The following TMEM135 variants were observed in gnomAD, a reference collection of about 807,000 sequenced individuals.
TMEM135 encodes the protein peroxisomal membrane protein 52.
Under a neutral mutation model 60.3 loss-of-function variants are expected in TMEM135, and 30 were observed. The observed-to-expected ratio is 0.50, with a 90% confidence interval of 0.37 to 0.68. The LOEUF is 0.68. Ranked by LOEUF, TMEM135 falls within the 30% of genes least tolerant of loss-of-function variation. TMEM135 has a pLI of 0.00. For missense variants in TMEM135, 468 were observed against 548.8 expected (o/e 0.85, Z 1.47); for synonymous variants, 190 against 186.7 (o/e 1.02, Z -0.14).
At chr11:87,277,375 C>T (rs957265644) in intron 6 of TMEM135, 2 of 290,050 alleles carry the variant, frequency 6.9e-6, no homozygotes, top group Non-Finnish European at 1.4e-5. Flanking sequence ...AAGTGATCCA[C>T]CTGCCTTGGC....
chr11:87,326,101 T>A lies in TMEM135; in HGVS notation c.*4768T>A, dbSNP rs1301032233. The A allele has an allele frequency of 2.0e-5, 9 of 453,516 alleles. No individual in the cohort carries two copies. In the East Asian group the frequency reaches 2.1e-4, roughly 10 times the overall value. 28.1% of individuals were successfully genotyped at this position (453,516 alleles called of 1,614,324 possible). ...TTGCCTGTTCAGTTTTTTTTTTTTT[T>A]AATATTCAGTTTTGTGCCATACTCT... On this transcript the variant is annotated 3_prime_UTR_variant, in exon 15 of 15. Coordinates refer to ENST00000305494, the MANE Select transcript of TMEM135 (RefSeq NM_022918.4).
chr11:87,236,716 C>T (rs771598959), intron 6 of TMEM135, 32 bp downstream of exon 6: 10 of 1,578,940 alleles, frequency 6.3e-6, no homozygotes, highest in South Asian at 3.3e-5. Flanking sequence ...TACTTTAATA[C>T]CCCAAACAGT....
intron 6 of TMEM135, among the ~76,000 whole-genome samples, chr11:87,280,387 G>A (rs969090516): frequency 2.6e-5 from 4 of 152,088 alleles, no homozygotes; most frequent in East Asian, 1.9e-4. Context: ...GTTCAAATTC[G>A]TTTTTGGCAT....
intron 4 of TMEM135, among the ~76,000 whole-genome samples, chr11:87,104,859 TACAA>T (rs1201911910): frequency 6.6e-6 from 1 of 152,224 alleles, no homozygotes; most frequent in African/African-American, 2.4e-5. Context: ...TCATACAGTC[TACAA>T]ACAGAGATTG....
intron 5 of TMEM135, among the ~76,000 whole-genome samples, chr11:87,170,064 A>G (rs1345314815): frequency 2.1e-5 from 3 of 143,508 alleles, no homozygotes; most frequent in African/African-American, 7.8e-5. Flanking sequence ...TCCTTTTTCC[A>G]CTTGATCAGT....
In TMEM135 at chr11:87,324,591, T is replaced by A. The variant is rs1338360557; in HGVS notation, c.*3258T>A. 1 of 440,074 alleles carries A rather than the reference T, an allele frequency of 2.3e-6. No individual in the cohort carries two copies. Among genetic ancestry groups the A allele is most frequent in the Non-Finnish European group, 4.5e-6 (1 of 223,536 alleles). The allele number at this position is 440,074 out of a possible 1,614,324, so 27.3% of individuals were successfully genotyped here. A position where few individuals can be genotyped will look rare whatever the true frequency, so the allele number is the denominator to read the frequency against. Reference sequence around the variant, plus strand: ...TGTGCCACCATGCCTGGCTAATATTTATTTTATTTATTTTTTTTTTGTAGA... The same window carrying A: ...TGTGCCACCATGCCTGGCTAATATTAATTTTATTTATTTTTTTTTTGTAGA... On this transcript the variant is annotated 3_prime_UTR_variant, in exon 15 of 15. Transcript: ENST00000305494.
intron 5 of TMEM135, among the ~76,000 whole-genome samples, chr11:87,167,216 G>C (rs1007011475): frequency 2.0e-5 from 3 of 152,134 alleles, no homozygotes; most frequent in Non-Finnish European, 4.4e-5. Context: ...CTGAGACGAT[G>C]GGGTTTTCTA....
chr11:87,132,198 C>T (rs904609198), intron 4 of TMEM135, among the ~76,000 whole-genome samples: 13 of 152,074 alleles, frequency 8.5e-5, no homozygotes, highest in South Asian at 4.1e-4. Context: ...ACCCCCTCCC[C>T]GCCACCACCC....
Position 87,324,437 on chromosome 11 carries a change from T to C in TMEM135, c.*3104T>C. 1 of 454,002 alleles carries C rather than the reference T, an allele frequency of 2.2e-6. No individual in the cohort carries two copies. Among genetic ancestry groups the C allele is most frequent in the South Asian group, 1.6e-5 (1 of 64,470 alleles). 28.1% of individuals were successfully genotyped at this position (454,002 alleles called of 1,614,324 possible). On this transcript the variant is annotated 3_prime_UTR_variant, in exon 15 of 15. Coordinates refer to ENST00000305494, the MANE Select transcript of TMEM135 (RefSeq NM_022918.4). ...CTCCGTGTGATTTATTTTTTTATTTTTTGAGTTGAGGTCTAGCTCTGTTGC... is the reference window on the plus strand; with the variant it reads ...CTCCGTGTGATTTATTTTTTTATTTCTTGAGTTGAGGTCTAGCTCTGTTGC...
intron 3 of TMEM135, among the ~76,000 whole-genome samples, chr11:87,085,989 T>C (rs1857087182): frequency 6.6e-6 from 1 of 152,184 alleles, no homozygotes; most frequent in Admixed American, 6.5e-5. Context: ...ATTGGGTGGG[T>C]AAAATTTGAT....
chr11:87,291,732 G>A (rs574905052), intron 6 of TMEM135, among the ~76,000 whole-genome samples: 2 of 151,786 alleles, frequency 1.3e-5, no homozygotes, highest in East Asian at 3.9e-4. Flanking sequence ...CTGTAGAGAT[G>A]GGGTTTCGCC....
At chr11:87,243,318 A>G (rs1295985945) in intron 6 of TMEM135, among the ~76,000 whole-genome samples, 3 of 147,094 alleles carry the variant, frequency 2.0e-5, no homozygotes, top group Non-Finnish European at 4.5e-5. Context: ...TTGGCTTAGG[A>G]TTGACTTGGT....
intron 6 of TMEM135, among the ~76,000 whole-genome samples, chr11:87,248,558 A>T (rs1244697785): frequency 2.0e-5 from 3 of 152,100 alleles, no homozygotes; most frequent in African/African-American, 4.8e-5. Context: ...TGATTCTTCC[A>T]ATTTTGTTCT....
intron 10 of TMEM135, among the ~76,000 whole-genome samples, chr11:87,313,103 G>C (rs1942669171): frequency 6.6e-6 from 1 of 151,776 alleles, no homozygotes; most frequent in Non-Finnish European, 1.5e-5. Context: ...AGTTTAGCCA[G>C]CTTTTTGTTC....
chr11:87,073,749 C>G (rs957806495), intron 3 of TMEM135, among the ~76,000 whole-genome samples: 5 of 151,870 alleles, frequency 3.3e-5, no homozygotes, highest in Non-Finnish European at 7.4e-5. Context: ...CTCACTGCAA[C>G]TTCTGCCTCC....
intron 6 of TMEM135, among the ~76,000 whole-genome samples, chr11:87,242,943 A>G (rs2135380940): frequency 6.9e-6 from 1 of 144,472 alleles, no homozygotes; most frequent in South Asian, 2.3e-4. Context: ...TATGTCCTGA[A>G]TGGTAATGCC....
At chr11:87,074,022 G>A (rs1030416228) in intron 3 of TMEM135, among the ~76,000 whole-genome samples, 1 of 152,012 alleles carries the variant, frequency 6.6e-6, no homozygotes, top group African/African-American at 2.4e-5. Flanking sequence ...CTGGAGTATA[G>A]TGGCTTGATT....
chr11:87,091,762 A>G (rs899627231), intron 4 of TMEM135, among the ~76,000 whole-genome samples: 1 of 152,084 alleles, frequency 6.6e-6, no homozygotes, highest in Non-Finnish European at 1.5e-5. Flanking sequence ...AAAATGATAT[A>G]AGGATGGGTT....
chr11:87,222,425 G>C (rs1315474240), intron 5 of TMEM135, among the ~76,000 whole-genome samples: 1 of 150,606 alleles, frequency 6.6e-6, no homozygotes, highest in Admixed American at 6.6e-5. Context: ...GTGAACCCTG[G>C]GGGGCTGAGC....
Sources: allele counts gnomAD v4.1 joint callset (sites outside exome capture counted in the v4.1 genomes callset), GRCh38; gene constraint gnomAD v4.1.1; transcripts MANE v1.5; gene names NCBI Gene and HGNC (gene_info 2026-07-23, HGNC 2026-07-21).